The following CPXM2 variants were observed in gnomAD, a reference collection of about 807,000 sequenced individuals.
CPXM2 encodes the protein carboxypeptidase X, M14 family member 2.
In CPXM2, 66 loss-of-function variants were observed where a neutral mutation model predicts 86.1. The ratio of observed to expected loss-of-function variants is 0.77; its 90% CI spans 0.63 to 0.94. CPXM2 has a LOEUF of 0.94. CPXM2 is among the 40% of genes least tolerant of loss of function. CPXM2 has a pLI of 0.00. For missense variants in CPXM2, 948 were observed against 1,026.3 expected (o/e 0.92, Z 1.04); for synonymous variants, 388 against 400.2 (o/e 0.97, Z 0.36).
chr10:123,812,415 CAA>C (rs1257737766), intron 4 of CPXM2, among the ~76,000 whole-genome samples: 3 of 151,974 alleles, frequency 2.0e-5, no homozygotes, highest in African/African-American at 7.3e-5. Context: ...ACATATGTGA[CAA>C]GAGTAGTTTT....
chr10:123,842,201 C>T, intron 4 of CPXM2, 148 bp downstream of exon 4: 1 of 1,056,898 alleles, frequency 9.5e-7, no homozygotes, highest in Non-Finnish European at 1.4e-6. Context: ...CGACAACGAG[C>T]CCAGCCTCCT....
intron 3 of CPXM2, among the ~76,000 whole-genome samples, chr10:123,854,374 AATATATATATAATATATATATT>A (rs1590068893): frequency 3.6e-5 from 3 of 83,086 alleles, no homozygotes; most frequent in South Asian, 3.0e-4. Flanking sequence ...ATATATATAT[AATATATATATAATATATATATT>A]ATATATATAT....
chr10:123,898,951 C>T (rs533376471), intron 2 of CPXM2, among the ~76,000 whole-genome samples: 4 of 152,238 alleles, frequency 2.6e-5, no homozygotes, highest in South Asian at 2.1e-4. Context: ...GGGTTCACCA[C>T]GTTGCCCAGG....
At chr10:123,875,475 T>C (rs1238811485) in intron 2 of CPXM2, among the ~76,000 whole-genome samples, 3 of 152,048 alleles carry the variant, frequency 2.0e-5, no homozygotes, top group Non-Finnish European at 4.4e-5. Flanking sequence ...GAATCAGGGG[T>C]CTGGGAATAG....
chr10:123,940,998 C>T (rs1345283314), upstream of CPXM2, among the ~76,000 whole-genome samples: 6 of 150,310 alleles, frequency 4.0e-5, no homozygotes, highest in Admixed American at 6.7e-5. Flanking sequence ...AGTGAAAGCC[C>T]GTCTCTACTA....
chr10:123,941,037 G>A (rs1312756940), upstream of CPXM2, among the ~76,000 whole-genome samples: 1 of 152,212 alleles, frequency 6.6e-6, no homozygotes, highest in East Asian at 1.9e-4. Flanking sequence ...AGGGCGTGCT[G>A]GTGGGTGCCT....
chr10:123,764,485 A>G (rs1211171499), intron 10 of CPXM2, among the ~76,000 whole-genome samples: 1 of 151,022 alleles, frequency 6.6e-6, no homozygotes, highest in African/African-American at 2.4e-5. Context: ...TATTTATTTT[A>G]TGTATTATAA....
rs755565263 is a variant in CPXM2, at chr10:123,754,532, G to C, written c.2017+131C>G. 6.7e-5 allele frequency: 43 copies of C among 637,864 alleles called. No individual in the cohort carries two copies. The highest frequency in any genetic ancestry group is 3.6e-4 in the Admixed American group (14 of 38,516). The allele number at this position is 637,864 out of a possible 1,614,324, so 39.5% of individuals were successfully genotyped here. ...GGTCTCTTGAAAAGTGGGAAATTTA[G>C]AGGAAGGAGACTGTAATTTGGCTCT... On this transcript the variant is annotated intron_variant, in intron 13 of 13. Coordinates refer to ENST00000241305, the MANE Select transcript of CPXM2 (RefSeq NM_198148.3). The surrounding 1 kb of genome is among the most constrained non-coding windows in gnomAD (Gnocchi z 4.0).
rs527989432 is a variant in CPXM2 at position 123,930,561 on chromosome 10, C to T, written n.174+8916G>A. Among the ~76,000 whole-genome samples, 78 of 152,322 alleles carry T rather than the reference C, an allele frequency of 5.1e-4. No individual in the cohort carries two copies. The Middle Eastern group carries it at 0.02, about 40-fold the overall frequency. On this transcript the variant is annotated intron_variant and non_coding_transcript_variant, in intron 2 of 19. Coordinates refer to the CPXM2 transcript ENST00000368854. ...CCCTGCTTCAAAGCAGCCCTGTCTT[C>T]CCCTTCCATCAGGACCTCCAAGTGC...
chr10:123,754,752 C>A lies in CPXM2; in HGVS notation c.1928G>T (p.Gly643Val), dbSNP rs138945308. ...LIVFMEQVHR[G>V]IKGLVRDSHG... ...TGAATCTCTCACCAAGCCTTTAATG[C>A]CACGATGAACCTGCTCAGCAAACAT... Residue 643 changes from glycine (G) to valine (V), a missense_variant, in exon 13 of 14, where the codon GGC becomes GTC. Physicochemically the swap from Gly to Val is moderately radical, Grantham distance 109. Transcript: ENST00000241305. This position sits in a 1 kb window ranked among gnomAD's most constrained non-coding sequence, Gnocchi z 4.0. 2.1e-5 allele frequency: 33 copies of A among 1,593,020 alleles called. No individual in the cohort carries two copies. The highest frequency in any genetic ancestry group is 2.8e-5 in the Non-Finnish European group (32 of 1,160,864).
Position 123,746,762 on chromosome 10 carries a change from G to T in CPXM2, c.*2C>A. The T allele has an allele frequency of 1.2e-6, 2 of 1,613,928 alleles. No individual in the cohort carries two copies. Among genetic ancestry groups the T allele is most frequent in the Non-Finnish European group, 1.7e-6 (2 of 1,179,962 alleles). ...CAGACGAGTCTCAAGGGCCCAGGAG[G>T]GTCACCCACGCTGTCGTCTCTTCTG... On this transcript the variant is annotated 3_prime_UTR_variant, in exon 14 of 14. Coordinates refer to ENST00000241305, the MANE Select transcript of CPXM2 (RefSeq NM_198148.3).
At chr10:123,856,482 TG>T (rs1257551582) in intron 3 of CPXM2, among the ~76,000 whole-genome samples, 2 of 152,134 alleles carry the variant, frequency 1.3e-5, no homozygotes, top group Admixed American at 1.3e-4. Context: ...TTCTTTGGGG[TG>T]GGGCAGGTGA....
chr10:123,897,362 A>G (rs556151264), intron 2 of CPXM2, among the ~76,000 whole-genome samples: 1 of 152,242 alleles, frequency 6.6e-6, no homozygotes, highest in South Asian at 2.1e-4. Context: ...AGCTCCCCCT[A>G]TCTTACAGCT....
chr10:123,919,314 C>T (rs1945562380), intron 2 of CPXM2, among the ~76,000 whole-genome samples: 1 of 152,196 alleles, frequency 6.6e-6, no homozygotes, highest in Admixed American at 6.5e-5. Context: ...AAATAATCAA[C>T]ATTTATCAGA....
intron 4 of CPXM2, among the ~76,000 whole-genome samples, chr10:123,809,575 C>T (rs1395956667): frequency 1.3e-5 from 2 of 151,834 alleles, no homozygotes; most frequent in Non-Finnish European, 2.9e-5. Flanking sequence ...CACATATATA[C>T]ATATATAGAT....
At chr10:123,759,813 G>A (rs956179036) in intron 11 of CPXM2, among the ~76,000 whole-genome samples, 1 of 152,202 alleles carries the variant, frequency 6.6e-6, no homozygotes, top group African/African-American at 2.4e-5. Flanking sequence ...GGAACAGAGA[G>A]GGTCACAGGA....
chr10:123,805,684 G>T (rs1847563793), intron 4 of CPXM2, among the ~76,000 whole-genome samples: 1 of 152,012 alleles, frequency 6.6e-6, no homozygotes, highest in South Asian at 2.1e-4. Flanking sequence ...ATTGTTGGAT[G>T]CAATGTTCCA....
chr10:123,873,047 T>C (rs1277718105), intron 2 of CPXM2, among the ~76,000 whole-genome samples: 1 of 152,156 alleles, frequency 6.6e-6, no homozygotes, highest in African/African-American at 2.4e-5. Context: ...CTATTCTTTA[T>C]GAATGGGGGT....
intron 2 of CPXM2, among the ~76,000 whole-genome samples, chr10:123,900,323 T>G (rs992033920): frequency 1.3e-5 from 2 of 152,138 alleles, no homozygotes; most frequent in African/African-American, 2.4e-5. Context: ...ATTACAGGCA[T>G]GAGCCACCAC....
Sources: gnomAD v4.1 joint callset for allele counts (sites outside exome capture counted in the v4.1 genomes callset) on GRCh38, gnomAD v4.1.1 for gene constraint, Gnocchi (gnomAD v3.1) non-coding constraint, MANE v1.5 for transcripts, NCBI Gene and HGNC (gene_info 2026-07-23, HGNC 2026-07-21) for gene names.